The following HPSE2 variants were observed in gnomAD, a reference collection of about 807,000 sequenced individuals.
HPSE2 encodes the protein inactive heparanase-2.
In HPSE2, 38 loss-of-function variants were observed where a neutral mutation model predicts 60.5. The observed-to-expected ratio is 0.63, with a 90% CI of 0.48 to 0.82. HPSE2 has a LOEUF of 0.82. Ranked by LOEUF, HPSE2 falls within the 40% of genes least tolerant of loss-of-function variation. The probability of loss-of-function intolerance (pLI) is 0.00; values close to 1 mark genes in which losing one functional copy is unlikely to be tolerated. For synonymous variants in HPSE2, 295 were observed against 293.2 expected (o/e 1.01, Z -0.06); for missense variants, 713 against 740.4 (o/e 0.96, Z 0.43).
chr10:98,535,669 T>A (rs1589381571), intron 9 of HPSE2, among the ~76,000 whole-genome samples: 1 of 152,204 alleles, frequency 6.6e-6, no homozygotes, highest in East Asian at 1.9e-4. Context: ...TGGTTACCTG[T>A]TGTGGTAACT....
intron 3 of HPSE2, among the ~76,000 whole-genome samples, chr10:98,834,539 T>G (rs1012749822): frequency 6.6e-6 from 1 of 152,100 alleles, no homozygotes; most frequent in Admixed American, 6.5e-5. Flanking sequence ...ATTTGTACAC[T>G]CAGCATCAAT....
In HPSE2 at chr10:98,799,406, T is replaced by A. The variant is rs116408137; in HGVS notation, c.611-55350A>T. Reference sequence around the variant, plus strand: ...CAGATGGAAAATCAAGAAGGAAACATCGGACTTCATCTGCGCTATAGAACA... The same window carrying A: ...CAGATGGAAAATCAAGAAGGAAACAACGGACTTCATCTGCGCTATAGAACA... On this transcript the variant is annotated intron_variant, in intron 3 of 11. Coordinates refer to ENST00000370552, the MANE Select transcript of HPSE2 (RefSeq NM_021828.5). Among the ~76,000 whole-genome samples the A allele has an allele frequency of 2.0e-3, 305 of 152,268 alleles. 2 individuals are homozygous for A. Among genetic ancestry groups the A allele is most frequent in the African/African-American group, 6.7e-3 (279 of 41,576 alleles).
chr10:99,302,758 A>G, the HPSE2 span, among the ~76,000 whole-genome samples: 1 of 151,834 alleles, frequency 6.6e-6, no homozygotes, highest in African/African-American at 2.4e-5. Context: ...AAACTATTCC[A>G]GACTGTAAAG....
intron 3 of HPSE2, among the ~76,000 whole-genome samples, chr10:99,044,717 C>T (rs1213109549): frequency 6.6e-6 from 1 of 152,026 alleles, no homozygotes; most frequent in Admixed American, 6.6e-5. Context: ...AATTGTTATT[C>T]TTATATCAGA....
chr10:99,256,397 G>GGAAAAGAAA, the HPSE2 span, among the ~76,000 whole-genome samples: 1 of 1,520 alleles, frequency 6.6e-4, no homozygotes, highest in Non-Finnish European at 1.8e-3. Flanking sequence ...CCTACAAGAT[G>GGAAAAGAAA]ACTCACCAAA....
At chr10:99,181,325 G>A (rs1038853241) in intron 2 of HPSE2, among the ~76,000 whole-genome samples, 3 of 147,144 alleles carry the variant, frequency 2.0e-5, no homozygotes, top group South Asian at 2.2e-4. Flanking sequence ...GTGAACCCGG[G>A]AGGCGGAGCT....
intron 2 of HPSE2, among the ~76,000 whole-genome samples, chr10:99,197,644 T>A (rs191157703): frequency 2.6e-5 from 4 of 152,284 alleles, no homozygotes; most frequent in Non-Finnish European, 5.9e-5. Context: ...ATCATGTAAA[T>A]GTAATATAGA....
intron 3 of HPSE2, among the ~76,000 whole-genome samples, chr10:98,801,950 A>C (rs1303058154): frequency 6.6e-6 from 1 of 152,190 alleles, no homozygotes; most frequent in Non-Finnish European, 1.5e-5. Flanking sequence ...TATACTACAG[A>C]GCTTGTAGTA....
At chr10:98,586,046 A>G (rs2133932350) in intron 9 of HPSE2, among the ~76,000 whole-genome samples, 1 of 152,172 alleles carries the variant, frequency 6.6e-6, no homozygotes, top group Middle Eastern at 3.4e-3. Flanking sequence ...TCCAATTATT[A>G]TGGCATAACA....
chr10:98,931,542 A>G (rs753871252), intron 3 of HPSE2, among the ~76,000 whole-genome samples: 2 of 144,288 alleles, frequency 1.4e-5, no homozygotes, highest in African/African-American at 5.6e-5. Context: ...CACTGAATCT[A>G]TAAGTTGCTT....
chr10:98,734,003 C>T (rs533423738), intron 4 of HPSE2, among the ~76,000 whole-genome samples: 40 of 152,260 alleles, frequency 2.6e-4, no homozygotes, highest in Non-Finnish European at 5.3e-4. Flanking sequence ...TTAGCAGTCA[C>T]CCCTCACCCC....
At chr10:99,063,477 T>C (rs1235794644) in intron 3 of HPSE2, among the ~76,000 whole-genome samples, 1 of 152,192 alleles carries the variant, frequency 6.6e-6, no homozygotes, top group Non-Finnish European at 1.5e-5. Context: ...AATACCCATG[T>C]TGGCAATGGT....
chr10:98,602,819 G>C (rs1052150541), intron 9 of HPSE2, among the ~76,000 whole-genome samples: 9 of 152,096 alleles, frequency 5.9e-5, no homozygotes, highest in South Asian at 4.1e-4. Flanking sequence ...ATGGACCAAA[G>C]ACCTAAAGAT....
intron 3 of HPSE2, among the ~76,000 whole-genome samples, chr10:98,801,323 A>G (rs1035238226): frequency 1.4e-4 from 22 of 152,084 alleles, no homozygotes; most frequent in Admixed American, 1.3e-3. Flanking sequence ...CACTTTTACC[A>G]CTGTTATTTA....
At chr10:99,031,665 T>C (rs567939976) in intron 3 of HPSE2, among the ~76,000 whole-genome samples, 1 of 152,192 alleles carries the variant, frequency 6.6e-6, no homozygotes, top group Non-Finnish European at 1.5e-5. Context: ...GAATTCAAAG[T>C]TGAGTAAAGG....
chr10:98,571,940 CTT>C, intron 9 of HPSE2, among the ~76,000 whole-genome samples: 1 of 140,728 alleles, frequency 7.1e-6, no homozygotes, highest in African/African-American at 2.7e-5. Context: ...AATTCCTTTT[CTT>C]TTTTTTTTTT....
chr10:98,913,519 A>T (rs1016462311), intron 3 of HPSE2, among the ~76,000 whole-genome samples: 1 of 152,232 alleles, frequency 6.6e-6, no homozygotes. Context: ...GGGCCCAATA[A>T]TAGTTGAAAA....
intron 4 of HPSE2, among the ~76,000 whole-genome samples, chr10:98,726,030 A>G (rs533875567): frequency 2.0e-4 from 30 of 152,258 alleles, no homozygotes; most frequent in Admixed American, 6.5e-4. Context: ...CTTTTACACC[A>G]TTGGTGGGAC....
chr10:99,134,748 A>G (rs1160035496), intron 3 of HPSE2, among the ~76,000 whole-genome samples: 1 of 152,252 alleles, frequency 6.6e-6, no homozygotes, highest in African/African-American at 2.4e-5. Flanking sequence ...AACAACTGGT[A>G]TCAGCCACGG....
Sources: gnomAD v4.1 joint callset for allele counts (sites outside exome capture counted in the v4.1 genomes callset) on GRCh38, gnomAD v4.1.1 for gene constraint, MANE v1.5 for transcripts, NCBI Gene and HGNC (gene_info 2026-07-23, HGNC 2026-07-21) for gene names.